The following CSMD1 variants were observed in gnomAD, a reference collection of about 807,000 sequenced individuals.
CSMD1 encodes the protein CUB and sushi domain-containing protein 1.
CSMD1 carries 213 observed loss-of-function variants against 417.5 expected under a neutral mutation model. That is an observed-to-expected ratio of 0.51 (90% CI 0.46 to 0.57). The LOEUF (loss-of-function observed/expected upper bound fraction) is 0.57, where lower values mean the gene tolerates loss of function less well. Ranked by LOEUF, CSMD1 falls within the 20% of genes least tolerant of loss-of-function variation. The pLI is 0.00. For synonymous variants in CSMD1, 2,862 were observed against 1,736.8 expected, an observed-to-expected ratio of 1.65 and a Z score of -16.11; for missense variants, 6,923 against 4,529.7, an observed-to-expected ratio of 1.53 and a Z score of -15.17.
rs573714250 is a variant in CSMD1 at position 4,160,889 on chromosome 8, G to T, written c.416-128790C>A. Among the ~76,000 whole-genome samples the T allele has an allele frequency of 3.3e-5, 5 of 152,302 alleles. No homozygotes were observed. The East Asian group carries it at 9.6e-4, about 29-fold the overall frequency. On this transcript the variant is annotated intron_variant, in intron 3 of 69. Transcript: ENST00000635120. The stretch of plus-strand genomic sequence containing the variant: ...GAAATTCTAAAAAGGACATACTGCT[G>T]TTGTTCTCTGCTGAACAAGTGGTTT...
intron 25 of CSMD1, among the ~76,000 whole-genome samples, chr8:3,295,703 T>G (rs1421226515): frequency 3.3e-5 from 5 of 152,192 alleles, no homozygotes; most frequent in Non-Finnish European, 7.3e-5. Flanking sequence ...TGTATTGCCC[T>G]TGTTTTATTA....
At chr8:4,008,600 C>CTTTCTTTTT (rs1816311123) in intron 4 of CSMD1, among the ~76,000 whole-genome samples, 2 of 80,408 alleles carry the variant, frequency 2.5e-5, no homozygotes, top group Non-Finnish European at 4.4e-5. Context: ...TTCTTTTTTT[C>CTTTCTTTTT]TTTTTTTTTT....
chr8:4,195,336 A>C (rs562159147), intron 3 of CSMD1, among the ~76,000 whole-genome samples: 1 of 152,224 alleles, frequency 6.6e-6, no homozygotes, highest in Non-Finnish European at 1.5e-5. Flanking sequence ...ATAGAACAGG[A>C]TAAGTTAACA....
chr8:4,928,194 C>T (rs954816582), intron 1 of CSMD1, among the ~76,000 whole-genome samples: 3 of 152,070 alleles, frequency 2.0e-5, no homozygotes, highest in East Asian at 1.9e-4. Flanking sequence ...CTGGAGTGCC[C>T]GTCACCAAGA....
chr8:4,635,496 A>T (rs918664092), intron 2 of CSMD1, among the ~76,000 whole-genome samples: 1 of 152,154 alleles, frequency 6.6e-6, no homozygotes, highest in Non-Finnish European at 1.5e-5. Context: ...AAAGAACTAG[A>T]GTAAATAAAA....
At chr8:3,067,896 G>A (rs1277961751) in intron 49 of CSMD1, among the ~76,000 whole-genome samples, 1 of 151,976 alleles carries the variant, frequency 6.6e-6, no homozygotes. Flanking sequence ...CTGTTGTCCA[G>A]AAATATTAGA....
chr8:4,248,340 C>A (rs369481814), intron 3 of CSMD1, among the ~76,000 whole-genome samples: 7 of 152,124 alleles, frequency 4.6e-5, no homozygotes, highest in East Asian at 1.9e-4. Context: ...TTTCTCCCAG[C>A]CAAACACGCT....
chr8:3,930,594 G>GA (rs1172626167), intron 5 of CSMD1, among the ~76,000 whole-genome samples: 1 of 150,276 alleles, frequency 6.7e-6, no homozygotes, highest in Non-Finnish European at 1.5e-5. Context: ...CCAGCCAAAG[G>GA]AAACGGGACA....
chr8:4,757,926 C>G (rs981444400), intron 1 of CSMD1, among the ~76,000 whole-genome samples: 1 of 144,172 alleles, frequency 6.9e-6, no homozygotes, highest in Non-Finnish European at 1.5e-5. Context: ...GCCACCTGCA[C>G]TCCATCCTGG....
At chr8:4,663,465 G>A (rs184047627) in intron 1 of CSMD1, among the ~76,000 whole-genome samples, 1 of 152,104 alleles carries the variant, frequency 6.6e-6, no homozygotes, top group African/African-American at 2.4e-5. Context: ...TTGGAGGAGG[G>A]GCCTGGTGGG....
rs112420927 is a variant in CSMD1, at chr8:4,290,988, A to C, written c.415+128965T>G. On this transcript the variant is annotated intron_variant, in intron 3 of 69. Coordinates refer to ENST00000635120, the MANE Select transcript of CSMD1 (RefSeq NM_033225.6). ...GCAAAATTTCATCTCCCTAAATTGT[A>C]TTTGTTAAATGTATATGTAATGATG... 4.2e-3 allele frequency among the ~76,000 whole-genome samples: 644 copies of C among 152,292 alleles called. 3 individuals are homozygous for C. Among genetic ancestry groups the C allele is most frequent in the Non-Finnish European group, 7.2e-3 (489 of 68,022 alleles).
At chr8:3,577,809 G>A (rs112221005) in intron 9 of CSMD1, among the ~76,000 whole-genome samples, 20 of 152,096 alleles carry the variant, frequency 1.3e-4, no homozygotes, top group South Asian at 6.2e-4. Context: ...TATTTGGCTC[G>A]TTATGATTTA....
chr8:4,332,926 T>C (rs915480674), intron 3 of CSMD1, among the ~76,000 whole-genome samples: 1 of 146,690 alleles, frequency 6.8e-6, no homozygotes, highest in Non-Finnish European at 1.5e-5. Context: ...ACTATCACAT[T>C]TTTTTCTTAT....
chr8:4,073,049 G>A (rs544988483), intron 3 of CSMD1, among the ~76,000 whole-genome samples: 1 of 152,238 alleles, frequency 6.6e-6, no homozygotes, highest in Non-Finnish European at 1.5e-5. Context: ...TAGCGTAGAT[G>A]ATAGTCAATA....
At chr8:4,755,602 T>C (rs572607903) in intron 1 of CSMD1, among the ~76,000 whole-genome samples, 1 of 152,322 alleles carries the variant, frequency 6.6e-6, no homozygotes, top group East Asian at 1.9e-4. Context: ...TTTTATCAGA[T>C]GGAAAGTTAC....
At chr8:4,744,249 G>C (rs547640849) in intron 1 of CSMD1, among the ~76,000 whole-genome samples, 3 of 152,210 alleles carry the variant, frequency 2.0e-5, no homozygotes, top group African/African-American at 4.8e-5. Context: ...CACTTGGAAA[G>C]TACAGCTCAG....
At chr8:4,442,386 AC>A (rs1798537036) in intron 2 of CSMD1, among the ~76,000 whole-genome samples, 1 of 152,206 alleles carries the variant, frequency 6.6e-6, no homozygotes, top group Admixed American at 6.5e-5. Flanking sequence ...TCTACCATTA[AC>A]AAAGCCTACG....
At chr8:4,968,416 C>A (rs114314207) in intron 1 of CSMD1, among the ~76,000 whole-genome samples, 129 of 152,172 alleles carry the variant, frequency 8.5e-4, no homozygotes, top group African/African-American at 2.9e-3. Flanking sequence ...AAATAACACC[C>A]AAGCCCCTGG....
At chr8:4,390,657 G>A (rs972571691) in intron 3 of CSMD1, among the ~76,000 whole-genome samples, 1 of 151,700 alleles carries the variant, frequency 6.6e-6, no homozygotes, top group Non-Finnish European at 1.5e-5. Flanking sequence ...GGGACGACAG[G>A]CACCCCCCAC....
Sources: allele counts gnomAD v4.1 joint callset (sites outside exome capture counted in the v4.1 genomes callset), GRCh38; gene constraint gnomAD v4.1.1; transcripts MANE v1.5; gene names NCBI Gene and HGNC (gene_info 2026-07-23, HGNC 2026-07-21).